The following DSG1 variants were observed in gnomAD, a reference collection of about 807,000 sequenced individuals.
DSG1 encodes the protein desmoglein-1.
A neutral mutation model predicts 97.5 loss-of-function variants in DSG1; 39 were observed. The observed-to-expected ratio is 0.40, with a 90% CI of 0.31 to 0.52. The LOEUF (loss-of-function observed/expected upper bound fraction) is 0.52. Ranked by LOEUF, DSG1 falls within the 20% of genes least tolerant of loss-of-function variation. The pLI, the probability that DSG1 is intolerant of heterozygous loss-of-function variation, is 0.53. For missense variants in DSG1, 1,311 were observed against 1,295.4 expected, an observed-to-expected ratio of 1.01 and a Z score of -0.18; for synonymous variants, 475 against 443.4, an observed-to-expected ratio of 1.07 and a Z score of -0.90.
chr18:31,341,275 G>A (rs2071787099), intron 11 of DSG1, among the ~76,000 whole-genome samples: 1 of 152,228 alleles, frequency 6.6e-6, no homozygotes, highest in Non-Finnish European at 1.5e-5. Flanking sequence ...CTTAATGTCA[G>A]AAGGTACCTC....
chr18:31,347,532 T>C (rs2071850370), intron 14 of DSG1: 2 of 152,204 alleles, frequency 1.3e-5, no homozygotes, highest in South Asian at 4.1e-4. Context: ...GTCTGGCAAA[T>C]AGCAAAGGCT....
At chr18:31,332,594 A>G (rs969090804) in intron 6 of DSG1, among the ~76,000 whole-genome samples, 1 of 152,142 alleles carries the variant, frequency 6.6e-6, no homozygotes, top group Non-Finnish European at 1.5e-5. Context: ...GTCTTTTAAT[A>G]GAATGTTGCA....
intron 13 of DSG1, among the ~76,000 whole-genome samples, chr18:31,345,114 T>C (rs1568046144): frequency 6.6e-6 from 1 of 152,198 alleles, no homozygotes. Context: ...AATCCATCAG[T>C]ATTTATTTAC....
intron 1 of DSG1, among the ~76,000 whole-genome samples, chr18:31,323,197 T>C (rs2071664464): frequency 6.6e-6 from 1 of 152,166 alleles, no homozygotes; most frequent in South Asian, 2.1e-4. Flanking sequence ...ACCTCTGTGT[T>C]CATCTCTAGG....
intron 8 of DSG1, among the ~76,000 whole-genome samples, chr18:31,334,545 A>G (rs1000504908): frequency 1.3e-5 from 2 of 152,206 alleles, no homozygotes; most frequent in Admixed American, 6.6e-5. Flanking sequence ...AGCATATTTA[A>G]TAGAGGCTTT....
At chr18:31,324,102 G>C (rs994000130) in intron 1 of DSG1, among the ~76,000 whole-genome samples, 3 of 146,302 alleles carry the variant, frequency 2.1e-5, no homozygotes, top group East Asian at 2.1e-4. Flanking sequence ...TCCTGCCTCA[G>C]CCTCCCAAGT....
At chr18:31,321,961 C>A (rs1216950943) in intron 1 of DSG1, among the ~76,000 whole-genome samples, 1 of 152,204 alleles carries the variant, frequency 6.6e-6, no homozygotes, top group Non-Finnish European at 1.5e-5. Flanking sequence ...TCAGGGAACA[C>A]CCTTGCCCAG....
rs1363057714 is a variant in DSG1 at position 31,356,176 on chromosome 18, A to G, written c.*830A>G. 1.3e-5 allele frequency: 2 copies of G among 152,134 alleles called. No individual in the cohort carries two copies. The highest frequency in any genetic ancestry group is 3.9e-4 in the East Asian group (2 of 5,184). The allele number at this position is 152,134 out of a possible 1,614,324, so 9.4% of individuals were successfully genotyped here. A position where few individuals can be genotyped will look rare whatever the true frequency, so the allele number is the denominator to read the frequency against. ...CTGTGGTTTTGACTTAAGAAAGCAA[A>G]ACTCACTAAGTTTACTTCTCGAATT... On this transcript the variant is annotated 3_prime_UTR_variant, in exon 15 of 15. Transcript: ENST00000257192.
chr18:31,336,840 A>C (rs562728984), intron 9 of DSG1, among the ~76,000 whole-genome samples: 1 of 152,210 alleles, frequency 6.6e-6, no homozygotes, highest in Non-Finnish European at 1.5e-5. Context: ...GATATGTGAA[A>C]ATAATATGTC....
At chr18:31,353,253 C>CT in intron 14 of DSG1, among the ~76,000 whole-genome samples, 2 of 150,662 alleles carry the variant, frequency 1.3e-5, no homozygotes, top group African/African-American at 4.9e-5. Flanking sequence ...TGTGCCCCTG[C>CT]TGGGGGGTGC....
chr18:31,333,988 G>T, intron 7 of DSG1, 29 bp from the exon 8 acceptor site: 1 of 1,489,804 alleles, frequency 6.7e-7, no homozygotes, highest in Non-Finnish European at 9.4e-7. Context: ...CACACAGTTT[G>T]TGCTAAGAGT....
rs1437105543 is a variant in DSG1 at position 31,319,211 on chromosome 18, A to G, written c.48+863A>G. ...TTTCACTTTCAGTGAAAATTTGAAA[A>G]TTGTAATCTCTCTCATAGTAAGGTT... On this transcript the variant is annotated intron_variant, in intron 1 of 14. Transcript: ENST00000257192. Among the ~76,000 whole-genome samples, 5 of 152,296 alleles carry G rather than the reference A, an allele frequency of 3.3e-5. No individual in the cohort carries two copies. In the East Asian group the frequency reaches 9.6e-4, roughly 29 times the overall value.
At chr18:31,325,228 C>T (rs558470460) in intron 1 of DSG1, among the ~76,000 whole-genome samples, 64 of 152,222 alleles carry the variant, frequency 4.2e-4, no homozygotes, top group African/African-American at 1.5e-3. Context: ...GGTCTTCTGC[C>T]CAAATTGTCT....
chr18:31,354,358 A>G lies in DSG1; in HGVS notation c.2162A>G (p.Tyr721Cys), dbSNP rs773377615. ...CCATCTAATGACTGTTTGCTCATATATGACATCGAAGGTGTAGGTTCCCCT... is the reference window on the plus strand; with the variant it reads ...CCATCTAATGACTGTTTGCTCATATGTGACATCGAAGGTGTAGGTTCCCCT... ...GRPSNDCLLI[Y>C]DIEGVGSPAG... The change falls in exon 15 of 15, where the codon TAT becomes TGT. Residue 721 changes from tyrosine (Y) to cysteine (C), a missense_variant. Physicochemically the swap from Tyr to Cys is radical, Grantham distance 194. Around this residue, in one of 3 missense-constraint regions of DSG1, gnomAD observed 1,038 missense variants for 964.6 expected, o/e 1.08. Transcript: ENST00000257192. The G allele has an allele frequency of 3.5e-5, 56 of 1,614,102 alleles. No homozygotes were observed. The highest frequency in any genetic ancestry group is 4.6e-5 in the Non-Finnish European group (54 of 1,180,028).
intron 1 of DSG1, among the ~76,000 whole-genome samples, chr18:31,325,842 C>T (rs1223199419): frequency 6.6e-6 from 1 of 152,020 alleles, no homozygotes; most frequent in Admixed American, 6.5e-5. Context: ...TATATTTAGC[C>T]ATAGGTTAAT....
chr18:31,353,645 G>C (rs1308813722), intron 14 of DSG1, among the ~76,000 whole-genome samples: 4 of 151,804 alleles, frequency 2.6e-5, no homozygotes, highest in African/African-American at 7.3e-5. Flanking sequence ...AGGACCCTCC[G>C]AGCCAGGTGC....
chr18:31,332,798 CAT>C (rs1379735447), intron 6 of DSG1, among the ~76,000 whole-genome samples: 4 of 152,232 alleles, frequency 2.6e-5, no homozygotes, highest in Non-Finnish European at 5.9e-5. Flanking sequence ...TCCTTTTATA[CAT>C]GTTTGAAAAT....
At chr18:31,347,224 GAA>G (rs1268144474) in intron 14 of DSG1, among the ~76,000 whole-genome samples, 1 of 152,162 alleles carries the variant, frequency 6.6e-6, no homozygotes, top group Non-Finnish European at 1.5e-5. Context: ...GAGGCTTGTT[GAA>G]AACCATAGGA....
chr18:31,353,235 G>A (rs368310613), intron 14 of DSG1, among the ~76,000 whole-genome samples: 96 of 150,738 alleles, frequency 6.4e-4, no homozygotes, highest in African/African-American at 2.2e-3. Context: ...TGCCGTGTGA[G>A]GTGTCAGTGT....
Sources: allele counts gnomAD v4.1 joint callset (sites outside exome capture counted in the v4.1 genomes callset), GRCh38; gene constraint gnomAD v4.1.1; regional missense constraint gnomAD v4.1.1; transcripts MANE v1.5; gene names NCBI Gene and HGNC (gene_info 2026-07-23, HGNC 2026-07-21).